The following NCAPG2 variants were observed in gnomAD, a reference collection of about 807,000 sequenced individuals.
NCAPG2 encodes condensin-2 complex subunit G2.
In NCAPG2, 53 loss-of-function variants were observed where a neutral mutation model predicts 141.1. That is an observed-to-expected ratio of 0.38 (90% CI 0.30 to 0.47). The LOEUF is 0.47. NCAPG2 is among the 20% of genes least tolerant of loss of function. The probability of loss-of-function intolerance (pLI) is 0.99; values close to 1 mark genes in which losing one functional copy is unlikely to be tolerated. For synonymous variants in NCAPG2, 499 were observed against 490.7 expected (o/e 1.02, Z -0.22); for missense variants, 1,087 against 1,389.0 (o/e 0.78, Z 3.46).
chr7:158,683,707 G>C (rs980137877), intron 8 of NCAPG2, among the ~76,000 whole-genome samples: 1 of 152,210 alleles, frequency 6.6e-6, no homozygotes, highest in African/African-American at 2.4e-5. Flanking sequence ...CTGAGTGCAT[G>C]GTGAGTGTGG....
chr7:158,688,532 T>C (rs1329360350), intron 6 of NCAPG2, among the ~76,000 whole-genome samples: 1 of 152,248 alleles, frequency 6.6e-6, no homozygotes, highest in African/African-American at 2.4e-5. Flanking sequence ...GGGCACAGGC[T>C]GTGTCCAACA....
intron 21 of NCAPG2, 98 bp from the exon 22 acceptor site, chr7:158,654,792 T>C (rs1831778009): frequency 2.7e-6 from 4 of 1,472,244 alleles, no homozygotes; most frequent in East Asian, 2.4e-5. Flanking sequence ...CTAGTTATCT[T>C]ATAAAGCAGA....
chr7:158,642,097 G>C (rs2129456766), intron 27 of NCAPG2, among the ~76,000 whole-genome samples: 1 of 152,246 alleles, frequency 6.6e-6, no homozygotes, highest in Admixed American at 6.5e-5. Flanking sequence ...CAGAAAGCTG[G>C]AAAAATCCCC....
intron 16 of NCAPG2, among the ~76,000 whole-genome samples, chr7:158,659,854 G>A (rs1239096460): frequency 1.3e-5 from 2 of 152,190 alleles, no homozygotes; most frequent in Admixed American, 6.5e-5. Context: ...GCTCACGCCT[G>A]TAATCCCAGC....
At chr7:158,645,458 A>C in intron 26 of NCAPG2, 61 bp downstream of exon 26, 4 of 1,464,082 alleles carry the variant, frequency 2.7e-6, no homozygotes, top group Non-Finnish European at 3.8e-6. Context: ...CCGGAATCCC[A>C]TGACAGCACC....
intron 21 of NCAPG2, 146 bp from the exon 22 acceptor site, chr7:158,654,840 G>A: frequency 7.3e-6 from 10 of 1,370,240 alleles, no homozygotes; most frequent in Non-Finnish European, 7.6e-6. Flanking sequence ...TTTTCATAAA[G>A]ATACATTAAT....
Position 158,667,012 on chromosome 7 carries a change from C to T in NCAPG2, c.1480-2262G>A, listed in dbSNP as rs148565062. ...CTTCATGTGCCAGGTTGTTCCTGCC[C>T]ATAGACAATGCCCTCCCGTCAGCTC... On this transcript the variant is annotated intron_variant, in intron 13 of 27. Coordinates refer to ENST00000356309, the MANE Select transcript of NCAPG2 (RefSeq NM_017760.7). 2.7e-3 allele frequency: 1,382 copies of T among 515,844 alleles called. 21 individuals carry two copies. The African/African-American group carries it at 0.027, about 10-fold the overall frequency. The allele number at this position is 515,844 out of a possible 1,614,324, so 32.0% of individuals were successfully genotyped here.
At chr7:158,678,439 A>G (rs1406389396) in intron 11 of NCAPG2, among the ~76,000 whole-genome samples, 1 of 152,242 alleles carries the variant, frequency 6.6e-6, no homozygotes, top group Non-Finnish European at 1.5e-5. Flanking sequence ...GAAAAAATGA[A>G]CAAATTAACA....
At position 158,671,650 on chromosome 7, in the gene NCAPG2, A is replaced by C. The variant is rs775636808; in HGVS notation, c.1343T>G (p.Leu448Trp). The C allele has an allele frequency of 5.6e-6, 9 of 1,614,052 alleles. No individual in the cohort carries two copies. The highest frequency in any genetic ancestry group is 5.9e-6 in the Non-Finnish European group (7 of 1,180,032). Residue 448 changes from leucine (L) to tryptophan (W), a missense_variant, in exon 13 of 28, where the codon TTG becomes TGG. Transcript: ENST00000356309. ...CAATGGGTGGCTCAGTTTGTTGTCC[A>C]AAATCATTGGCAGACACTGCAACAG... ...CSVFKCLPMI[L>W]DNKLSHPLLE...
intron 12 of NCAPG2, among the ~76,000 whole-genome samples, chr7:158,673,907 T>C (rs975677918): frequency 6.6e-6 from 1 of 152,130 alleles, no homozygotes; most frequent in African/African-American, 2.4e-5. Flanking sequence ...TGAATTCTGC[T>C]CAGAGGTCAA....
intron 22 of NCAPG2, among the ~76,000 whole-genome samples, chr7:158,652,785 C>T (rs1587111880): frequency 6.6e-6 from 1 of 152,186 alleles, no homozygotes; most frequent in East Asian, 1.9e-4. Context: ...AGAAGTTCAG[C>T]AGTGTGGTTC....
intron 21 of NCAPG2, 135 bp downstream of exon 21, chr7:158,654,983 A>C (rs933907592): frequency 8.1e-7 from 1 of 1,236,582 alleles, no homozygotes; most frequent in African/African-American, 1.6e-5. Context: ...TAAACTAGAA[A>C]GTTAGATAAA....
intron 24 of NCAPG2, among the ~76,000 whole-genome samples, chr7:158,650,109 A>T (rs1429553239): frequency 6.6e-6 from 1 of 152,216 alleles, no homozygotes; most frequent in African/African-American, 2.4e-5. Flanking sequence ...GCTGGAGTCC[A>T]ATGGCGTGAT....
chr7:158,668,828 T>C (rs867785364), intron 13 of NCAPG2, among the ~76,000 whole-genome samples: 11 of 149,720 alleles, frequency 7.3e-5, no homozygotes, highest in African/African-American at 2.8e-4. Context: ...TTGGTAGACA[T>C]GTGCCATGGT....
chr7:158,637,522 C>T (rs947091461), intron 27 of NCAPG2, among the ~76,000 whole-genome samples: 1 of 152,228 alleles, frequency 6.6e-6, no homozygotes, highest in Non-Finnish European at 1.5e-5. Flanking sequence ...CCACCCCATC[C>T]GAGCCACACA....
chr7:158,650,792 C>T, intron 24 of NCAPG2, 40 bp downstream of exon 24: 1 of 1,572,268 alleles, frequency 6.4e-7, no homozygotes, highest in East Asian at 2.3e-5. Flanking sequence ...CTTGTGTCAT[C>T]AATAAGAGGC....
At chr7:158,646,338 C>A in intron 25 of NCAPG2, 122 bp downstream of exon 25, 1 of 638,806 alleles carries the variant, frequency 1.6e-6, no homozygotes, top group Non-Finnish European at 2.6e-6. Context: ...TTATATGAAA[C>A]ATTTTTCTCA....
At chr7:158,666,558 T>G (rs1174655031) in intron 13 of NCAPG2, among the ~76,000 whole-genome samples, 1 of 151,260 alleles carries the variant, frequency 6.6e-6, no homozygotes, top group Non-Finnish European at 1.5e-5. Flanking sequence ...TTATCTAGTC[T>G]GCCACGCTGC....
chr7:158,652,301 C>G lies in NCAPG2; in HGVS notation c.2926G>C (p.Gly976Arg). The G allele has an allele frequency of 6.2e-7, 1 of 1,613,286 alleles. No homozygotes were observed. The highest frequency in any genetic ancestry group is 8.5e-7 in the Non-Finnish European group (1 of 1,179,868). ...ARSFRKQPEE[G>R]LRLLYSVQRP... ...TGGGGAGTTCTGAGTACCCGCAGGC[C>G]TTCTTCCGGCTGCTTCCTGAAGCTC... Residue 976 changes from glycine to arginine, a missense_variant, in exon 23 of 28, where the codon GGC becomes CGC. Coordinates refer to ENST00000356309, the MANE Select transcript of NCAPG2 (RefSeq NM_017760.7).
Sources: gnomAD v4.1 joint callset for allele counts (sites outside exome capture counted in the v4.1 genomes callset) on GRCh38, gnomAD v4.1.1 for gene constraint, MANE v1.5 for transcripts, NCBI Gene and HGNC (gene_info 2026-07-23, HGNC 2026-07-21) for gene names.